TEX2: variants seen among roughly 807,000 people sequenced by gnomAD.
The protein encoded by TEX2 is testis expressed 2.
In TEX2, 53 loss-of-function variants were observed where a neutral mutation model predicts 106.9. The ratio of observed to expected loss-of-function variants is 0.50; its 90% CI spans 0.40 to 0.62. The LOEUF (loss-of-function observed/expected upper bound fraction) is 0.62. TEX2 is among the 20% of genes least tolerant of loss of function. The pLI is 0.00. For missense variants in TEX2, 1,207 were observed against 1,379.0 expected (o/e 0.88, Z 1.98); for synonymous variants, 523 against 534.8 (o/e 0.98, Z 0.30).
intron 2 of TEX2, among the ~76,000 whole-genome samples, chr17:64,210,842 G>GT (rs1400882098): frequency 1.3e-5 from 2 of 151,956 alleles, no homozygotes; most frequent in African/African-American, 4.8e-5. Flanking sequence ...TACATCTCCT[G>GT]TAACACAAGG....
intron 6 of TEX2, 98 bp downstream of exon 6, chr17:64,177,227 T>C: frequency 6.7e-7 from 1 of 1,485,436 alleles, no homozygotes; most frequent in South Asian, 1.2e-5. Flanking sequence ...TGTTATACGT[T>C]TAAACCAAAT....
intron 5 of TEX2, 52 bp from the exon 6 acceptor site, chr17:64,177,523 A>G: frequency 6.3e-7 from 1 of 1,583,436 alleles, no homozygotes; most frequent in Non-Finnish European, 8.6e-7. Context: ...GGAGAATAAG[A>G]CAGGTGCTTA....
At chr17:64,167,964 C>G (rs1048888451) in intron 7 of TEX2, among the ~76,000 whole-genome samples, 1 of 152,098 alleles carries the variant, frequency 6.6e-6, no homozygotes, top group Non-Finnish European at 1.5e-5. Flanking sequence ...AAGAGCATCC[C>G]TAGGATGGGA....
intron 1 of TEX2, among the ~76,000 whole-genome samples, chr17:64,231,433 G>A (rs570838669): frequency 3.4e-4 from 52 of 152,282 alleles, no homozygotes; most frequent in Admixed American, 1.6e-3. Context: ...ACTAAAGGAC[G>A]GAACCAAAGG....
intron 4 of TEX2, among the ~76,000 whole-genome samples, chr17:64,191,723 CAGG>C (rs1281223992): frequency 1.2e-4 from 18 of 148,698 alleles, no homozygotes; most frequent in African/African-American, 4.5e-4. Context: ...GAGGCTGAGG[CAGG>C]AGAACTGCTT....
chr17:64,207,937 T>C (rs1442551095), intron 2 of TEX2, among the ~76,000 whole-genome samples: 2 of 152,048 alleles, frequency 1.3e-5, no homozygotes, highest in Non-Finnish European at 2.9e-5. Flanking sequence ...AGGATTTCAC[T>C]GTTAGCCAGG....
At chr17:64,149,221 A>G in intron 11 of TEX2, 130 bp from the exon 12 acceptor site, 1 of 927,854 alleles carries the variant, frequency 1.1e-6, no homozygotes, top group South Asian at 1.8e-5. Context: ...TATGCATTCC[A>G]AACTAATTCT....
intron 6 of TEX2, among the ~76,000 whole-genome samples, chr17:64,175,688 T>C (rs1410513127): frequency 6.6e-6 from 1 of 152,208 alleles, no homozygotes; most frequent in Non-Finnish European, 1.5e-5. Flanking sequence ...GTCATCCTCT[T>C]GCCTCTGCAA....
At chr17:64,227,447 G>A (rs1459088757) in intron 1 of TEX2, among the ~76,000 whole-genome samples, 1 of 152,032 alleles carries the variant, frequency 6.6e-6, no homozygotes, top group Admixed American at 6.5e-5. Context: ...ATTGTTATTT[G>A]CTAATTTCAG....
intron 5 of TEX2, 47 bp from the exon 6 acceptor site, chr17:64,177,518 A>G (rs756377205): frequency 3.8e-6 from 6 of 1,597,930 alleles, no homozygotes; most frequent in Admixed American, 1.8e-5. Context: ...CAACTGGAGA[A>G]TAAGACAGGT....
rs1048898683 is a variant in TEX2, at chr17:64,222,451, G to C, written c.-25-8209C>G. On this transcript the variant is annotated intron_variant, in intron 1 of 11. Coordinates refer to ENST00000584379, the MANE Select transcript of TEX2 (RefSeq NM_001288732.2). Reference sequence around the variant, plus strand: ...GAGAATCGCTTTAACCTGGGAGTCAGAGGTTGCAGTGAGCTGAGATCGCGC... The same window carrying C: ...GAGAATCGCTTTAACCTGGGAGTCACAGGTTGCAGTGAGCTGAGATCGCGC... 3.3e-5 allele frequency among the ~76,000 whole-genome samples: 5 copies of C among 149,438 alleles called. 1 individual carries two copies. In the South Asian group the frequency reaches 6.4e-4, roughly 19 times the overall value.
rs1454697345 is a variant in TEX2 at position 64,224,920 on chromosome 17, G to A, written c.-25-10678C>T. The stretch of plus-strand genomic sequence containing the variant: ...AGCACAACCATACAAGGCCTGTGGA[G>A]GTTTATAAAAAATAATAATGGGGGC... On this transcript the variant is annotated intron_variant, in intron 1 of 11. Transcript: ENST00000584379. Among the ~76,000 whole-genome samples, 4 of 152,142 alleles carry A rather than the reference G, an allele frequency of 2.6e-5. No individual in the cohort carries two copies. The South Asian group carries it at 8.3e-4, about 32-fold the overall frequency.
chr17:64,242,912 C>T (rs1477510656), intron 1 of TEX2, among the ~76,000 whole-genome samples: 2 of 151,808 alleles, frequency 1.3e-5, no homozygotes, highest in African/African-American at 4.8e-5. Context: ...TAACGAGATC[C>T]CATCTCTAAA....
At chr17:64,186,751 A>G (rs1479571203) in intron 5 of TEX2, among the ~76,000 whole-genome samples, 1 of 152,230 alleles carries the variant, frequency 6.6e-6, no homozygotes, top group Admixed American at 6.5e-5. Context: ...ACTTGAGCCC[A>G]GGAGGTCGAG....
chr17:64,196,982 A>T lies in TEX2; in HGVS notation c.1645-1887T>A, dbSNP rs1041400590. On this transcript the variant is annotated intron_variant, in intron 2 of 11. Coordinates refer to ENST00000584379, the MANE Select transcript of TEX2 (RefSeq NM_001288732.2). ...GAAATCAGGGAATAGTCAAATCAAG[A>T]TTTTTTTTTTTTTTTTTTTTTTTTG... 1.1e-3 allele frequency among the ~76,000 whole-genome samples: 70 copies of T among 63,568 alleles called. 1 individual carries two copies. Among genetic ancestry groups the T allele is most frequent in the Admixed American group, 2.3e-3 (9 of 3,860 alleles). The allele number at this position is 63,568 out of a possible 152,430, so 41.7% of individuals were successfully genotyped here.
chr17:64,207,985 C>G (rs980079232), intron 2 of TEX2, among the ~76,000 whole-genome samples: 21 of 152,288 alleles, frequency 1.4e-4, no homozygotes, highest in Non-Finnish European at 2.5e-4. Flanking sequence ...CCACCCGCCT[C>G]AGCCTCCCAA....
chr17:64,190,020 C>G (rs76447140), intron 4 of TEX2, among the ~76,000 whole-genome samples: 2 of 150,512 alleles, frequency 1.3e-5, no homozygotes, highest in South Asian at 4.2e-4. Flanking sequence ...AGAAAGAAAT[C>G]AAAAAATCAA....
In TEX2 at chr17:64,214,203, A is replaced by G; in HGVS notation, c.15T>C (p.Tyr5=). 1 of 1,612,918 alleles carries G rather than the reference A, an allele frequency of 6.2e-7. No individual in the cohort carries two copies. Among genetic ancestry groups the G allele is most frequent in the Non-Finnish European group, 8.5e-7 (1 of 1,178,940 alleles). Residue 5 remains tyrosine (Y), a synonymous_variant, in exon 2 of 12, where the codon TAT becomes TAC. Transcript: ENST00000584379. The stretch of plus-strand genomic sequence containing the variant: ...CAGTGGTTTTCTCGGCATGGCGACC[A>G]TACAGACTTGTCATTGCCGGCTTCA... MTSL[Y]GRHAEKTTDM...
At chr17:64,170,045 C>G (rs1347654328) in intron 7 of TEX2, among the ~76,000 whole-genome samples, 1 of 152,062 alleles carries the variant, frequency 6.6e-6, no homozygotes, top group African/African-American at 2.4e-5. Flanking sequence ...CTTTTAAAAC[C>G]GTATTTATGG....
Sources: gnomAD v4.1 joint callset for allele counts (sites outside exome capture counted in the v4.1 genomes callset) on GRCh38, gnomAD v4.1.1 for gene constraint, MANE v1.5 for transcripts, NCBI Gene and HGNC (gene_info 2026-07-23, HGNC 2026-07-21) for gene names.